Variants in LARP7 observed in about 807,000 individuals in gnomAD.
The protein encoded by LARP7 is la-related protein 7.
Under a neutral mutation model 69.3 loss-of-function variants are expected in LARP7, and 52 were observed. That is an observed-to-expected ratio of 0.75 (90% CI 0.60 to 0.95). The LOEUF (loss-of-function observed/expected upper bound fraction) is 0.95. Ranked by LOEUF, LARP7 falls within the 40% of genes least tolerant of loss-of-function variation. The probability of loss-of-function intolerance (pLI) is 0.00; values close to 1 mark genes in which losing one functional copy is unlikely to be tolerated. For synonymous variants in LARP7, 254 were observed against 215.9 expected (o/e 1.18, Z -1.55); for missense variants, 733 against 673.0 (o/e 1.09, Z -0.99).
rs2047688098 is a variant in LARP7 at position 112,637,196 on chromosome 4, C to T, written c.-46C>T. On this transcript the variant is annotated 5_prime_UTR_variant, in exon 1 of 13. Transcript: ENST00000344442. ...ATCAGGATCCGGAGACGGAAATGTC[C>T]GAAGGCCGCAGTACTTGACCCTGTA... The T allele has an allele frequency of 6.6e-6, 1 of 152,174 alleles. No homozygotes were observed. Among genetic ancestry groups the T allele is most frequent in the Non-Finnish European group, 1.5e-5 (1 of 68,054 alleles). 9.4% of individuals were successfully genotyped at this position (152,174 alleles called of 1,614,324 possible).
chr4:112,641,337 G>A lies in LARP7; in HGVS notation c.-2-3331G>A, dbSNP rs562092483. Among the ~76,000 whole-genome samples the A allele has an allele frequency of 3.3e-5, 5 of 151,402 alleles. No homozygotes were observed. The East Asian group carries it at 5.8e-4, about 18-fold the overall frequency. The stretch of plus-strand genomic sequence containing the variant: ...CCAGAGGGGGAGGTTGCAGTGAGCC[G>A]AGATCGCGCCACTGCACTCCAGCCT... On this transcript the variant is annotated intron_variant, in intron 1 of 12. Coordinates refer to ENST00000344442, the MANE Select transcript of LARP7 (RefSeq NM_016648.4).
chr4:112,647,578 AACT>A, intron 7 of LARP7, 29 bp downstream of exon 7: 1 of 1,506,960 alleles, frequency 6.6e-7, no homozygotes, highest in Non-Finnish European at 8.9e-7. Context: ...AATTAGATAA[AACT>A]AATTAATTTT....
intron 8 of LARP7, 129 bp downstream of exon 8, chr4:112,647,963 C>T (rs752656934): frequency 1.2e-5 from 9 of 778,414 alleles, no homozygotes; most frequent in Admixed American, 7.0e-5. Context: ...GAACTGCACA[C>T]AGTGTGGGCG....
intron 10 of LARP7, among the ~76,000 whole-genome samples, chr4:112,651,656 A>G (rs963889346): frequency 2.6e-5 from 4 of 152,198 alleles, no homozygotes; most frequent in Non-Finnish European, 4.4e-5. Flanking sequence ...TAATCCAGTT[A>G]GTAGTTACTT....
intron 1 of LARP7, among the ~76,000 whole-genome samples, chr4:112,640,985 T>TA (rs2047937447): frequency 1.3e-5 from 2 of 152,208 alleles, no homozygotes; most frequent in Admixed American, 1.3e-4. Flanking sequence ...AGATGGTTGT[T>TA]ATGTTTGGAC....
chr4:112,642,753 C>G (rs2048010572), intron 1 of LARP7, among the ~76,000 whole-genome samples: 1 of 152,224 alleles, frequency 6.6e-6, no homozygotes, highest in South Asian at 2.1e-4. Flanking sequence ...TATGCCTTCC[C>G]TAGATAAGGA....
intron 2 of LARP7, among the ~76,000 whole-genome samples, chr4:112,645,380 C>A (rs2048141908): frequency 6.6e-6 from 1 of 152,138 alleles, no homozygotes; most frequent in African/African-American, 2.4e-5. Flanking sequence ...ATTAAATAAG[C>A]AATTTCAAAT....
At chr4:112,637,548 A>C (rs1174777495) in intron 1 of LARP7, 2 of 152,266 alleles carry the variant, frequency 1.3e-5, no homozygotes, top group Non-Finnish European at 2.9e-5. Context: ...GTCAATAAAG[A>C]GAGTGCCGTA....
rs750843501 is a variant in LARP7 at position 112,647,118 on chromosome 4, A to G, written c.637A>G (p.Arg213Gly). ...GAAAAATAAGCCCATTCCAGCCTTA[A>G]GAGTTGTGGGTGAGTATTTTTCAAT... ...TVKNKPIPAL[R>G]VVEEKKKKKK... The change falls in exon 6 of 13, where the codon AGA (arginine) becomes GGA (glycine). Residue 213 changes from arginine to glycine, a missense_variant. Physicochemically the swap from Arg to Gly is moderately radical, Grantham distance 125 (BLOSUM62 -2). Coordinates refer to ENST00000344442, the MANE Select transcript of LARP7 (RefSeq NM_016648.4). The G allele has an allele frequency of 6.2e-7, 1 of 1,607,404 alleles. No homozygotes were observed. The highest frequency in any genetic ancestry group is 8.5e-7 in the Non-Finnish European group (1 of 1,178,534).
intron 12 of LARP7, among the ~76,000 whole-genome samples, chr4:112,655,784 G>A (rs2048929555): frequency 2.0e-5 from 3 of 152,304 alleles, no homozygotes; most frequent in Non-Finnish European, 4.4e-5. Flanking sequence ...AAAACTCTCT[G>A]CAAAGGTTAT....
Position 112,644,655 on chromosome 4 carries a change from T to C in LARP7, c.-2-13T>C. The C allele has an allele frequency of 6.4e-7, 1 of 1,563,864 alleles. No individual in the cohort carries two copies. The highest frequency in any genetic ancestry group is 8.7e-7 in the Non-Finnish European group (1 of 1,144,040). ...TGATTTAAATATTTACATCTTTTTC[T>C]TGTAATTCACAGGAATGGAAACTGA... On this transcript the variant is annotated splice_polypyrimidine_tract_variant and intron_variant, in intron 1 of 12. Transcript: ENST00000344442.
chr4:112,648,625 A>T (rs1458053042), intron 8 of LARP7: 1 of 437,796 alleles, frequency 2.3e-6, no homozygotes, highest in East Asian at 7.2e-5. Flanking sequence ...ACAAAATGGC[A>T]TAACTTTAGA....
intron 8 of LARP7, chr4:112,648,059 GTT>G (rs780422206): frequency 3.1e-6 from 2 of 637,512 alleles, no homozygotes; most frequent in Admixed American, 1.8e-5. Context: ...GTGCCTCCAT[GTT>G]AAAGTAGAGG....
chr4:112,639,265 A>G (rs2047856828), intron 1 of LARP7, among the ~76,000 whole-genome samples: 1 of 144,506 alleles, frequency 6.9e-6, no homozygotes, highest in Non-Finnish European at 1.5e-5. Context: ...GTTGGAGTGC[A>G]GTGGCACGAT....
At chr4:112,646,061 CCT>C in intron 2 of LARP7, among the ~76,000 whole-genome samples, 1 of 152,000 alleles carries the variant, frequency 6.6e-6, no homozygotes, top group African/African-American at 2.4e-5. Context: ...CTCACTGCAA[CCT>C]CTGCCTCCTG....
At chr4:112,644,339 C>A in intron 1 of LARP7, 1 of 353,308 alleles carries the variant, frequency 2.8e-6, no homozygotes, top group South Asian at 1.2e-4. Context: ...GGAGAGTGTC[C>A]ACGTCCCTTA....
At chr4:112,640,050 T>A (rs1295223973) in intron 1 of LARP7, among the ~76,000 whole-genome samples, 1 of 152,168 alleles carries the variant, frequency 6.6e-6, no homozygotes, top group East Asian at 1.9e-4. Context: ...GCGATTCTCC[T>A]GCCTCAGCCT....
At chr4:112,645,562 C>T (rs755154327) in intron 2 of LARP7, 1 of 456,226 alleles carries the variant, frequency 2.2e-6, no homozygotes, top group South Asian at 1.5e-5. Context: ...CAGGAATGCA[C>T]TGGCTCCATG....
intron 7 of LARP7, 23 bp downstream of exon 7, chr4:112,647,572 A>G (rs753558578): frequency 2.8e-5 from 42 of 1,514,696 alleles, no homozygotes; most frequent in Non-Finnish European, 3.5e-5. Flanking sequence ...GGTTTTAATT[A>G]GATAAAACTA....
Sources: gnomAD v4.1 joint callset for allele counts (sites outside exome capture counted in the v4.1 genomes callset) on GRCh38, gnomAD v4.1.1 for gene constraint, MANE v1.5 for transcripts, NCBI Gene and HGNC (gene_info 2026-07-23, HGNC 2026-07-21) for gene names.